CRYBG3: variants seen among roughly 807,000 people sequenced by gnomAD.
CRYBG3 encodes the protein very large A-kinase anchor protein.
CRYBG3 carries 127 observed loss-of-function variants against 244.2 expected under a neutral mutation model. The ratio of observed to expected loss-of-function variants is 0.52; its 90% CI spans 0.45 to 0.60. The LOEUF (loss-of-function observed/expected upper bound fraction) is 0.60, where lower values mean the gene tolerates loss of function less well. Ranked by LOEUF, CRYBG3 falls within the 20% of genes least tolerant of loss-of-function variation. CRYBG3 has a pLI of 0.00. For missense variants in CRYBG3, 3,325 were observed against 3,442.5 expected (o/e 0.97, Z 0.85); for synonymous variants, 1,132 against 1,195.8 (o/e 0.95, Z 1.10).
chr3:97,882,372 G>A (rs1031986049), intron 7 of CRYBG3, among the ~76,000 whole-genome samples: 8 of 148,278 alleles, frequency 5.4e-5, no homozygotes, highest in East Asian at 2.0e-4. Context: ...TAGTATAGAC[G>A]TGTGTGCATG....
chr3:97,872,549 G>A lies in CRYBG3; in HGVS notation c.1355G>A (p.Ser452Asn), dbSNP rs1314353474. 2 of 1,535,858 alleles carry A rather than the reference G, an allele frequency of 1.3e-6. No homozygotes were observed. The highest frequency in any genetic ancestry group is 1.7e-6 in the Non-Finnish European group (2 of 1,146,832). ...GGGAGTGACACTACTGAGCAGGAAA[G>A]TACAAATTTGCCAAGTCCAAATAAA... ...SDGSDTTEQESTNLPSPNKSI... is the reference protein window; with the variant it reads ...SDGSDTTEQENTNLPSPNKSI... The change falls in exon 4 of 22, where the codon AGT becomes AAT. Residue 452 changes from serine to asparagine, a missense_variant. Coordinates refer to ENST00000389622, the MANE Select transcript of CRYBG3 (RefSeq NM_153605.4).
intron 19 of CRYBG3, among the ~76,000 whole-genome samples, chr3:97,938,832 G>A (rs1425885110): frequency 1.3e-5 from 2 of 151,852 alleles, no homozygotes; most frequent in Non-Finnish European, 2.9e-5. Flanking sequence ...CCCTTGAGAT[G>A]CTCTTTTGAG....
At chr3:97,831,435 G>C (rs1559711499) in intron 1 of CRYBG3, among the ~76,000 whole-genome samples, 1 of 152,102 alleles carries the variant, frequency 6.6e-6, no homozygotes, top group African/African-American at 2.4e-5. Flanking sequence ...CTGTGCTTTG[G>C]GAGAGACAGA....
chr3:97,841,600 C>A (rs1172031620), intron 1 of CRYBG3, among the ~76,000 whole-genome samples: 1 of 152,032 alleles, frequency 6.6e-6, no homozygotes, highest in Non-Finnish European at 1.5e-5. Flanking sequence ...TCCTCTCTTT[C>A]CATCTGATCC....
chr3:97,879,857 C>A, intron 5 of CRYBG3, 109 bp downstream of exon 5: 2 of 924,076 alleles, frequency 2.2e-6, no homozygotes, highest in Non-Finnish European at 1.7e-6. Context: ...AAGGATTTAA[C>A]ATCTAAAGTA....
chr3:97,895,937 T>C (rs749936004), intron 11 of CRYBG3, 22 bp from the exon 12 acceptor site: 41 of 1,606,502 alleles, frequency 2.6e-5, no homozygotes, highest in Non-Finnish European at 3.3e-5. Flanking sequence ...ATGGGTCATT[T>C]GGGTGTCCCC....
At chr3:97,942,158 A>AT in intron 20 of CRYBG3, 126 bp from the exon 21 acceptor site, 1 of 723,190 alleles carries the variant, frequency 1.4e-6, no homozygotes, top group Non-Finnish European at 2.1e-6. Context: ...ACTATATAGT[A>AT]TTTTTTTAGA....
intron 1 of CRYBG3, among the ~76,000 whole-genome samples, chr3:97,830,776 A>AGTAAT (rs1235576668): frequency 6.6e-6 from 1 of 151,940 alleles, no homozygotes; most frequent in Non-Finnish European, 1.5e-5. Context: ...ACAAATGCAC[A>AGTAAT]GTAATGTACC....
At chr3:97,832,769 A>C (rs931796686) in intron 1 of CRYBG3, among the ~76,000 whole-genome samples, 11 of 152,220 alleles carry the variant, frequency 7.2e-5, no homozygotes, top group African/African-American at 2.7e-4. Flanking sequence ...AACTATCATC[A>C]GAGTGAACAG....
chr3:97,834,177 T>C (rs554660970), intron 1 of CRYBG3, among the ~76,000 whole-genome samples: 53 of 152,280 alleles, frequency 3.5e-4, no homozygotes, highest in East Asian at 1.5e-3. Flanking sequence ...TGCATACTTA[T>C]AAAATCAGAT....
At chr3:97,832,196 G>GA (rs1418405571) in intron 1 of CRYBG3, among the ~76,000 whole-genome samples, 1 of 55,004 alleles carries the variant, frequency 1.8e-5, no homozygotes, top group Non-Finnish European at 3.8e-5. Context: ...CACAGAATTA[G>GA]AAAAAAAATA....
intron 11 of CRYBG3, among the ~76,000 whole-genome samples, chr3:97,895,168 T>A (rs1291247343): frequency 1.3e-5 from 2 of 152,204 alleles, no homozygotes; most frequent in Non-Finnish European, 2.9e-5. Context: ...TCAGTCTAAC[T>A]ATGCAGTGTG....
In CRYBG3 at chr3:97,822,236, C is replaced by A; in HGVS notation, c.30C>A (p.Ala10=). 2 of 1,529,382 alleles carry A rather than the reference C, an allele frequency of 1.3e-6. No homozygotes were observed. The highest frequency in any genetic ancestry group is 1.7e-6 in the Non-Finnish European group (2 of 1,144,158). 94.7% of individuals were successfully genotyped at this position (1,529,382 alleles called of 1,614,324 possible). A position where few individuals can be genotyped will look rare whatever the true frequency, so the allele number is the denominator to read the frequency against. ...CCAGCGGCCGCAGAAGGGGCAGCGCCCCCTGGCACAGCTTCTCCCGGTTCT... is the reference window on the plus strand; with the variant it reads ...CCAGCGGCCGCAGAAGGGGCAGCGCACCCTGGCACAGCTTCTCCCGGTTCT... MSSGRRRGS[A]PWHSFSRFFA... is the part of the protein sequence containing the mutation. Residue 10 remains alanine, a synonymous_variant, in exon 1 of 22, where the codon GCC becomes GCA. Coordinates refer to ENST00000389622, the MANE Select transcript of CRYBG3 (RefSeq NM_153605.4).
rs1375615221 is a variant in CRYBG3, at chr3:97,877,626, G to A, written c.6432G>A (p.Glu2144=). The change falls in exon 4 of 22, where the codon GAG becomes GAA. Residue 2144 remains glutamate, a synonymous_variant. Coordinates refer to ENST00000389622, the MANE Select transcript of CRYBG3 (RefSeq NM_153605.4). ...LKMNFDEDDR[E]AADEEEEEEE... ...TGAATTTTGATGAAGATGACAGAGA[G>A]GCAGCTGATGAGGAAGAAGAGGAGG... The A allele has an allele frequency of 6.2e-7, 1 of 1,614,066 alleles. No individual in the cohort carries two copies. The highest frequency in any genetic ancestry group is 1.7e-5 in the Admixed American group (1 of 60,020).
chr3:97,834,076 C>T (rs2038694701), intron 1 of CRYBG3, among the ~76,000 whole-genome samples: 1 of 152,066 alleles, frequency 6.6e-6, no homozygotes, highest in African/African-American at 2.4e-5. Flanking sequence ...CCCCCATGAC[C>T]CAAACACCTC....
intron 14 of CRYBG3, 49 bp from the exon 15 acceptor site, chr3:97,900,404 G>GAAA: frequency 1.2e-6 from 1 of 847,178 alleles, no homozygotes. Flanking sequence ...CTTTCAAAAA[G>GAAA]ACAGATTATG....
Position 97,822,336 on chromosome 3 carries a change from C to T in CRYBG3, c.130C>T (p.Pro44Ser). 6.6e-7 allele frequency: 1 copy of T among 1,505,474 alleles called. No homozygotes were observed. The highest frequency in any genetic ancestry group is 1.2e-5 in the South Asian group (1 of 80,992). 93.3% of individuals were successfully genotyped at this position (1,505,474 alleles called of 1,614,324 possible). A position where few individuals can be genotyped will look rare whatever the true frequency, so the allele number is the denominator to read the frequency against. ...ERPGTSPPPA[P>S]GRSAASVENE... ...GCCGGGGACGAGCCCGCCTCCAGCTCCAGGCCGGTCCGCTGCCAGGTGGGA... is the reference window on the plus strand; with the variant it reads ...GCCGGGGACGAGCCCGCCTCCAGCTTCAGGCCGGTCCGCTGCCAGGTGGGA... Residue 44 changes from proline to serine, a missense_variant, in exon 1 of 22, where the codon CCA (proline) becomes TCA (serine). Physicochemically the swap from Pro to Ser is moderately conservative, Grantham distance 74. Transcript: ENST00000389622.
chr3:97,843,372 T>C, intron 2 of CRYBG3, 111 bp downstream of exon 2: 1 of 677,216 alleles, frequency 1.5e-6, no homozygotes, highest in East Asian at 2.8e-5. Flanking sequence ...ACTGTATAAT[T>C]ACTTTTTGTG....
In CRYBG3 at chr3:97,941,195, G is replaced by A; in HGVS notation, c.8553G>A (p.Leu2851=). Residue 2851 remains leucine (L), a synonymous_variant, in exon 20 of 22, where the codon CTG becomes CTA. Transcript: ENST00000389622. ...AGAACCGTGCCCAGGGTGAATATCT[G>A]ACAGTCACTGGAAGTCTAGCAGACA... ...RIKNRAQGEY[L]TVTGSLADTR... The A allele has an allele frequency of 6.2e-7, 1 of 1,611,712 alleles. No individual in the cohort carries two copies.
Sources: allele counts gnomAD v4.1 joint callset (sites outside exome capture counted in the v4.1 genomes callset), GRCh38; gene constraint gnomAD v4.1.1; transcripts MANE v1.5; gene names NCBI Gene and HGNC (gene_info 2026-07-23, HGNC 2026-07-21).